Variants in PLEKHA6 observed in about 807,000 individuals in gnomAD.
PLEKHA6 encodes pleckstrin homology domain containing A6.
A neutral mutation model predicts 116.7 loss-of-function variants in PLEKHA6; 60 were observed. The observed-to-expected ratio is 0.51, with a 90% confidence interval of 0.42 to 0.64. The LOEUF is 0.64. Among genes scored for constraint, PLEKHA6 ranks in the 30% least tolerant of loss-of-function variants. PLEKHA6 has a pLI of 0.00. For missense variants in PLEKHA6, 1,338 were observed against 1,422.7 expected, an observed-to-expected ratio of 0.94 and a Z score of 0.96; for synonymous variants, 489 against 556.1, an observed-to-expected ratio of 0.88 and a Z score of 1.70.
In PLEKHA6 at chr1:204,219,272, A is replaced by G. The variant is rs911435533; in HGVS notation, c.*3516T>C. ...ATATATATATATATAATGTGTGTGT[A>G]TATCATATTTTTTCTTAGTTTTAAG... On this transcript the variant is annotated 3_prime_UTR_variant, in exon 23 of 23. Transcript: ENST00000272203. The G allele has an allele frequency of 6.6e-6, 1 of 151,584 alleles. No individual in the cohort carries two copies. Among genetic ancestry groups the G allele is most frequent in the African/African-American group, 2.4e-5 (1 of 41,132 alleles). The allele number at this position is 151,584 out of a possible 1,614,324, so 9.4% of individuals were successfully genotyped here. A position where few individuals can be genotyped will look rare whatever the true frequency, so the allele number is the denominator to read the frequency against.
At chr1:204,350,087 T>C (rs760026768) in intron 1 of PLEKHA6, among the ~76,000 whole-genome samples, 12 of 152,196 alleles carry the variant, frequency 7.9e-5, no homozygotes, top group African/African-American at 1.2e-4. Context: ...TTTGGGAAGC[T>C]GAGGCAGATG....
intron 1 of PLEKHA6, among the ~76,000 whole-genome samples, chr1:204,279,720 C>T (rs535444258): frequency 5.1e-4 from 78 of 152,230 alleles, no homozygotes; most frequent in African/African-American, 1.8e-3. Context: ...ATGGCAGTGC[C>T]ATCAGTGGAA....
At chr1:204,347,014 C>T in intron 1 of PLEKHA6, 4 of 1,401,452 alleles carry the variant, frequency 2.9e-6, no homozygotes, top group Admixed American at 1.7e-5. Flanking sequence ...AAGAATCTTG[C>T]CTTTAACTTG....
At chr1:204,241,351 G>C in intron 17 of PLEKHA6, 24 bp downstream of exon 17, 1 of 1,466,052 alleles carries the variant, frequency 6.8e-7, no homozygotes, top group Non-Finnish European at 9.5e-7. Context: ...GCTCAGGCCT[G>C]CATGAGCTTG....
chr1:204,285,523 T>C (rs1230811172), intron 1 of PLEKHA6, among the ~76,000 whole-genome samples: 1 of 151,874 alleles, frequency 6.6e-6, no homozygotes, highest in African/African-American at 2.4e-5. Context: ...TATCCCAGGC[T>C]GGAGTTCAGT....
chr1:204,363,238 G>A (rs114792265), upstream of PLEKHA6, among the ~76,000 whole-genome samples: 1 of 152,168 alleles, frequency 6.6e-6, no homozygotes, highest in South Asian at 2.1e-4. Flanking sequence ...GAGGCTCACC[G>A]GGGTCTCACT....
Position 204,257,704 on chromosome 1 carries a change from G to T in PLEKHA6, c.1173C>A (p.Asp391Glu). 6.2e-7 allele frequency: 1 copy of T among 1,612,382 alleles called. No individual in the cohort carries two copies. The highest frequency in any genetic ancestry group is 8.5e-7 in the Non-Finnish European group (1 of 1,179,360). ...DRISPPWALE[D>E]KRHAFRNGGG... ...CCCCATTGCGGAAGGCATGGCGCTT[G>T]TCCTCCAGGGCCCAGGGCGGGCTGA... The change falls in exon 9 of 23, where the codon GAC becomes GAA. Residue 391 changes from aspartate to glutamate, a missense_variant. By Grantham distance (45) the Asp-to-Glu change is conservative (BLOSUM62 2). This residue lies in a region of PLEKHA6 where 1,136 missense variants were observed against 1,163.6 expected (regional missense o/e 0.98). Transcript: ENST00000272203. This position sits in a 1 kb window ranked among gnomAD's most constrained non-coding sequence, Gnocchi z 6.5.
chr1:204,251,638 TCA>T, intron 9 of PLEKHA6: 1 of 701,692 alleles, frequency 1.4e-6, no homozygotes, highest in Non-Finnish European at 2.6e-6. Flanking sequence ...AACGGACTAT[TCA>T]CACTCCGACC....
chr1:204,308,315 T>C (rs1463443468), intron 1 of PLEKHA6, among the ~76,000 whole-genome samples: 2 of 152,102 alleles, frequency 1.3e-5, no homozygotes, highest in African/African-American at 2.4e-5. Context: ...CTCAACACTT[T>C]AGGAGGATTG....
At position 204,341,459 on chromosome 1, in the gene PLEKHA6, C is replaced by T. The variant is rs577891670; in HGVS notation, c.-95+18235G>A. Among the ~76,000 whole-genome samples the T allele has an allele frequency of 1.6e-4, 25 of 152,338 alleles. No homozygotes were observed. In the East Asian group the frequency reaches 4.8e-3, roughly 29 times the overall value. On this transcript the variant is annotated intron_variant, in intron 1 of 22. Transcript: ENST00000272203. ...AACTGGGAGTCTGGTGCAGTAATAC[C>T]TTGCCAAAGGTCAGCAGGGAACAGG... is the stretch of plus-strand genomic sequence containing the variant.
intron 15 of PLEKHA6, among the ~76,000 whole-genome samples, 198 bp downstream of exon 15, chr1:204,244,666 G>A (rs1663383984): frequency 6.6e-6 from 1 of 152,234 alleles, no homozygotes; most frequent in African/African-American, 2.4e-5. Context: ...GACAGATGGA[G>A]ATGAGAACAG....
At chr1:204,291,719 A>T (rs1350865839) in intron 1 of PLEKHA6, among the ~76,000 whole-genome samples, 1 of 152,222 alleles carries the variant, frequency 6.6e-6, no homozygotes, top group African/African-American at 2.4e-5. Context: ...TAAAATTCTT[A>T]AAAATGCAAA....
At chr1:204,251,114 G>A (rs1390212359) in intron 9 of PLEKHA6, among the ~76,000 whole-genome samples, 2 of 152,214 alleles carry the variant, frequency 1.3e-5, no homozygotes, top group Non-Finnish European at 2.9e-5. Flanking sequence ...TCCGGATCCA[G>A]TAAATGCTGC....
chr1:204,289,857 G>A (rs1406176310), intron 1 of PLEKHA6, among the ~76,000 whole-genome samples: 2 of 152,104 alleles, frequency 1.3e-5, no homozygotes, highest in African/African-American at 4.8e-5. Flanking sequence ...GGGAGGAGAG[G>A]CTCAGGATAC....
chr1:204,243,131 C>T (rs1663084656), intron 15 of PLEKHA6: 4 of 399,374 alleles, frequency 1.0e-5, no homozygotes, highest in Non-Finnish European at 1.3e-5. Context: ...CTGGCTGTCT[C>T]GCCACTGCGG....
intron 7 of PLEKHA6, among the ~76,000 whole-genome samples, chr1:204,260,231 C>T (rs1665933258): frequency 6.6e-6 from 1 of 152,208 alleles, no homozygotes; most frequent in Non-Finnish European, 1.5e-5. Context: ...GAGTCTTGGG[C>T]TCCTCATCAG....
chr1:204,247,533 C>T, intron 12 of PLEKHA6, 73 bp from the exon 13 acceptor site: 2 of 987,638 alleles, frequency 2.0e-6, no homozygotes, highest in Non-Finnish European at 3.2e-6. Flanking sequence ...GCAATGGACC[C>T]TGGGGCCAGG....
In PLEKHA6 at chr1:204,244,869, T is replaced by C. The variant is rs1663418503; in HGVS notation, c.2167A>G (p.Asn723Asp). 2 of 1,566,182 alleles carry C rather than the reference T, an allele frequency of 1.3e-6. No individual in the cohort carries two copies. The highest frequency in any genetic ancestry group is 1.7e-6 in the Non-Finnish European group (2 of 1,154,678). Residue 723 changes from asparagine to aspartate, a missense_variant, in exon 15 of 23, where the codon AAC becomes GAC. Coordinates refer to ENST00000272203, the MANE Select transcript of PLEKHA6 (RefSeq NM_014935.5). ...TACTCCATTTCTCAACTTACCTCGT[T>C]GGAGCCAGGCTTGGTGGGGGACCCC... ...SQGSPTKPGSNEPKANYEQSK... is the reference protein window; with the variant it reads ...SQGSPTKPGSDEPKANYEQSK...
intron 4 of PLEKHA6, 124 bp from the exon 5 acceptor site, chr1:204,267,671 G>A: frequency 2.6e-6 from 2 of 775,680 alleles, no homozygotes; most frequent in East Asian, 2.6e-5. Context: ...CGGCTCTGCT[G>A]TTAATGCACG....
Sources: gnomAD v4.1 joint callset for allele counts (sites outside exome capture counted in the v4.1 genomes callset) on GRCh38, gnomAD v4.1.1 for gene constraint, gnomAD v4.1.1 regional missense constraint, Gnocchi (gnomAD v3.1) non-coding constraint, MANE v1.5 for transcripts, NCBI Gene and HGNC (gene_info 2026-07-23, HGNC 2026-07-21) for gene names.